Variants in ZC3HC1 observed in about 807,000 individuals in gnomAD.
ZC3HC1 encodes the protein zinc finger C3HC-type containing 1.
Under a neutral mutation model 61.9 loss-of-function variants are expected in ZC3HC1, and 38 were observed. The ratio of observed to expected loss-of-function variants is 0.61; its 90% CI spans 0.47 to 0.81. The LOEUF (loss-of-function observed/expected upper bound fraction) is 0.81, where lower values mean the gene tolerates loss of function less well. ZC3HC1 is among the 30% of genes least tolerant of loss of function. The pLI is 0.00. For missense variants in ZC3HC1, 554 were observed against 622.7 expected (o/e 0.89, Z 1.17); for synonymous variants, 213 against 229.9 (o/e 0.93, Z 0.67).
At chr7:130,043,765 G>A in intron 2 of ZC3HC1, 1 of 429,070 alleles carries the variant, frequency 2.3e-6, no homozygotes. Context: ...TTCACTTGCG[G>A]GCAGCCAAGT....
chr7:130,026,083 C>T (rs1793892446), intron 6 of ZC3HC1, 75 bp downstream of exon 6: 13 of 1,441,790 alleles, frequency 9.0e-6, no homozygotes, highest in East Asian at 7.2e-5. Flanking sequence ...TTTCTAAATA[C>T]GATTAGTGAC....
At chr7:130,030,069 A>G (rs527276055) in intron 4 of ZC3HC1, among the ~76,000 whole-genome samples, 1 of 152,328 alleles carries the variant, frequency 6.6e-6, no homozygotes, top group East Asian at 1.9e-4. Context: ...TACCCAATTC[A>G]TCTACTGCAT....
chr7:130,022,601 C>T, intron 8 of ZC3HC1, 76 bp from the exon 9 acceptor site: 1 of 1,494,300 alleles, frequency 6.7e-7, no homozygotes, highest in Non-Finnish European at 9.2e-7. Flanking sequence ...TGTTAGTTAT[C>T]AAGTCCAGAA....
intron 9 of ZC3HC1, among the ~76,000 whole-genome samples, chr7:130,019,722 C>T (rs537319406): frequency 6.6e-6 from 1 of 151,474 alleles, no homozygotes; most frequent in African/African-American, 2.4e-5. Flanking sequence ...AAGTATTCCA[C>T]GCAGAAAGGG....
intron 9 of ZC3HC1, among the ~76,000 whole-genome samples, chr7:130,021,585 G>A (rs1793643202): frequency 6.6e-6 from 1 of 152,154 alleles, no homozygotes; most frequent in Admixed American, 6.6e-5. Context: ...TGCCCAGCGT[G>A]CGGAATGAGG....
chr7:130,030,195 CTT>C (rs58731959), intron 4 of ZC3HC1, among the ~76,000 whole-genome samples: 1,889 of 115,444 alleles, frequency 0.016, 29 homozygotes, highest in African/African-American at 0.045. Context: ...CTGAATCAGC[CTT>C]TTTTTTTTTT....
chr7:130,047,342 C>T (rs542880523), intron 2 of ZC3HC1, among the ~76,000 whole-genome samples: 40 of 152,096 alleles, frequency 2.6e-4, no homozygotes, highest in Non-Finnish European at 3.8e-4. Context: ...GTGATCCGCC[C>T]ACCTTGGCCT....
At position 130,019,054 on chromosome 7, in the gene ZC3HC1, CT is replaced by C. The variant is rs397746688; in HGVS notation, c.1441-323del. ...CAGCACATGTTTTGCACTGGTTTTT[CT>C]TTTTTTTTTTTTTTTTGAGACGGAG... On this transcript the variant is annotated intron_variant, in intron 9 of 9. Coordinates refer to ENST00000358303, the MANE Select transcript of ZC3HC1 (RefSeq NM_016478.5). Among the ~76,000 whole-genome samples, 698 of 132,950 alleles carry C rather than the reference CT, an allele frequency of 5.3e-3. 1 individual carries two copies. The highest frequency in any genetic ancestry group is 0.012 in the Middle Eastern group (3 of 258). 87.2% of individuals were successfully genotyped at this position (132,950 alleles called of 152,430 possible).
chr7:130,031,340 A>C (rs540152270), intron 4 of ZC3HC1, among the ~76,000 whole-genome samples: 4 of 151,132 alleles, frequency 2.6e-5, no homozygotes, highest in African/African-American at 7.3e-5. Context: ...AAAAAAAAAA[A>C]AACAGAAAAC....
chr7:130,050,336 T>C (rs1795028556), intron 1 of ZC3HC1: 1 of 1,278,370 alleles, frequency 7.8e-7, no homozygotes, highest in Non-Finnish European at 1.1e-6. Flanking sequence ...TTCAGCCTCC[T>C]CAAAGTGCTG....
At chr7:130,042,052 C>T (rs2116755330) in intron 2 of ZC3HC1, among the ~76,000 whole-genome samples, 1 of 152,204 alleles carries the variant, frequency 6.6e-6, no homozygotes, top group East Asian at 1.9e-4. Context: ...CTTGTAATCT[C>T]AGCACATTGG....
intron 2 of ZC3HC1, among the ~76,000 whole-genome samples, chr7:130,046,361 C>G (rs1031731725): frequency 6.6e-6 from 1 of 151,828 alleles, no homozygotes; most frequent in Non-Finnish European, 1.5e-5. Flanking sequence ...AATCTTGGCA[C>G]TTTGGGAGGC....
chr7:130,024,800 T>C (rs1251850854), intron 6 of ZC3HC1, among the ~76,000 whole-genome samples: 1 of 150,848 alleles, frequency 6.6e-6, no homozygotes, highest in Admixed American at 6.6e-5. Context: ...TCCCAGCACT[T>C]TGGGAGGCCA....
chr7:130,019,809 GTTTTTTTTTTT>G (rs754542017), intron 9 of ZC3HC1, among the ~76,000 whole-genome samples: 2 of 95,816 alleles, frequency 2.1e-5, no homozygotes, highest in Admixed American at 1.2e-4. Flanking sequence ...GCTTTCACAG[GTTTTTTTTTTT>G]TTTTTTTTTT....
chr7:130,024,670 C>T (rs1793809834), intron 6 of ZC3HC1, among the ~76,000 whole-genome samples, 164 bp from the exon 7 acceptor site: 1 of 152,134 alleles, frequency 6.6e-6, no homozygotes, highest in South Asian at 2.1e-4. Context: ...CATACTTCAT[C>T]ATCTCTCACA....
At chr7:130,027,435 A>T (rs1364378477) in intron 5 of ZC3HC1, 2 of 152,194 alleles carry the variant, frequency 1.3e-5, no homozygotes. Context: ...ACTATTTCCT[A>T]CAGTAAAGCT....
In ZC3HC1 at chr7:130,019,811, T is replaced by G. The variant is rs113418190; in HGVS notation, c.1441-1079A>C. On this transcript the variant is annotated intron_variant, in intron 9 of 9. Transcript: ENST00000358303. Reference sequence around the variant, plus strand: ...TTTCTCATATGACGCTTTCACAGGTTTTTTTTTTTTTTTTTTTTTTTTTTG... The same window carrying G: ...TTTCTCATATGACGCTTTCACAGGTGTTTTTTTTTTTTTTTTTTTTTTTTG... Among the ~76,000 whole-genome samples, 708 of 122,882 alleles carry G rather than the reference T, an allele frequency of 5.8e-3. 3 individuals are homozygous for G. Among genetic ancestry groups the G allele is most frequent in the Non-Finnish European group, 8.7e-3 (517 of 59,388 alleles). 80.6% of individuals were successfully genotyped at this position (122,882 alleles called of 152,430 possible).
chr7:130,019,054 C>CTTTCTTTTTTTT (rs779856466), intron 9 of ZC3HC1, among the ~76,000 whole-genome samples: 11 of 132,980 alleles, frequency 8.3e-5, no homozygotes, highest in Admixed American at 2.3e-4. Context: ...ACTGGTTTTT[C>CTTTCTTTTTTTT]TTTTTTTTTT....
intron 2 of ZC3HC1, 78 bp from the exon 3 acceptor site, chr7:130,041,179 TAC>T (rs1397685605): frequency 7.0e-7 from 1 of 1,426,902 alleles, no homozygotes; most frequent in Non-Finnish European, 9.3e-7. Flanking sequence ...TGTGTGTGTA[TAC>T]ACATACTGTT....
Sources: allele counts gnomAD v4.1 joint callset (sites outside exome capture counted in the v4.1 genomes callset), GRCh38; gene constraint gnomAD v4.1.1; transcripts MANE v1.5; gene names NCBI Gene and HGNC (gene_info 2026-07-23, HGNC 2026-07-21).